NKAIN2: variants seen among roughly 807,000 people sequenced by gnomAD.
The protein encoded by NKAIN2 is sodium/potassium transporting ATPase interacting 2.
NKAIN2 carries 14 observed loss-of-function variants against 32.6 expected under a neutral mutation model. That is an observed-to-expected ratio of 0.43 (90% CI 0.28 to 0.67). The LOEUF is 0.67. Among genes scored for constraint, NKAIN2 ranks in the 30% least tolerant of loss-of-function variants. NKAIN2 has a pLI of 0.17. For missense variants in NKAIN2, 198 were observed against 258.3 expected (o/e 0.77, Z 1.60); for synonymous variants, 80 against 87.2 (o/e 0.92, Z 0.46).
chr6:124,566,773 G>T (rs1369925629), intron 3 of NKAIN2, among the ~76,000 whole-genome samples: 7 of 151,874 alleles, frequency 4.6e-5, no homozygotes, highest in Non-Finnish European at 8.8e-5. Context: ...TGACATAATT[G>T]AGTACTAAAA....
At chr6:123,868,268 T>C (rs1311233858) in intron 1 of NKAIN2, among the ~76,000 whole-genome samples, 1 of 152,162 alleles carries the variant, frequency 6.6e-6, no homozygotes, top group Non-Finnish European at 1.5e-5. Flanking sequence ...CCCATCACCA[T>C]TGCTCAGGTG....
At chr6:124,261,106 T>C (rs1439722670) in intron 1 of NKAIN2, among the ~76,000 whole-genome samples, 2 of 152,184 alleles carry the variant, frequency 1.3e-5, no homozygotes, top group Non-Finnish European at 2.9e-5. Flanking sequence ...CATAAAAGAT[T>C]GGCTACAGTG....
chr6:123,945,240 C>CT (rs1777010140), intron 1 of NKAIN2, among the ~76,000 whole-genome samples: 1 of 152,028 alleles, frequency 6.6e-6, no homozygotes, highest in Non-Finnish European at 1.5e-5. Flanking sequence ...ACCAAAGCCT[C>CT]TAACTGGTCA....
intron 2 of NKAIN2, among the ~76,000 whole-genome samples, chr6:124,326,918 T>C (rs1217210892): frequency 6.6e-6 from 1 of 152,170 alleles, no homozygotes; most frequent in Non-Finnish European, 1.5e-5. Flanking sequence ...CACTTAGTTT[T>C]TGTACCCATA....
At chr6:124,695,759 A>G (rs1774467347) in intron 4 of NKAIN2, among the ~76,000 whole-genome samples, 1 of 152,200 alleles carries the variant, frequency 6.6e-6, no homozygotes, top group Non-Finnish European at 1.5e-5. Flanking sequence ...CAAAGAACAC[A>G]TAGGTTCATA....
chr6:124,351,499 C>CA (rs1248128165), intron 2 of NKAIN2, among the ~76,000 whole-genome samples: 2 of 49,928 alleles, frequency 4.0e-5, no homozygotes, highest in East Asian at 1.2e-3. Flanking sequence ...GATCCTGTCT[C>CA]AAAAAAACCA....
At chr6:124,209,787 C>A (rs573141356) in intron 1 of NKAIN2, among the ~76,000 whole-genome samples, 13 of 151,740 alleles carry the variant, frequency 8.6e-5, no homozygotes, top group African/African-American at 3.1e-4. Context: ...GATCTTGTAT[C>A]TATTTTAATC....
intron 1 of NKAIN2, among the ~76,000 whole-genome samples, chr6:124,009,856 A>G (rs1780242057): frequency 6.6e-6 from 1 of 152,128 alleles, no homozygotes; most frequent in African/African-American, 2.4e-5. Context: ...AGATTTATGG[A>G]CAAAGACTCC....
At chr6:123,919,097 T>G (rs1775627172) in intron 1 of NKAIN2, among the ~76,000 whole-genome samples, 1 of 152,212 alleles carries the variant, frequency 6.6e-6, no homozygotes, top group African/African-American at 2.4e-5. Context: ...ACAAAAGAAT[T>G]ATGTGCAAAT....
intron 2 of NKAIN2, among the ~76,000 whole-genome samples, chr6:124,346,091 A>T (rs1798408118): frequency 6.6e-6 from 1 of 151,604 alleles, no homozygotes; most frequent in African/African-American, 2.4e-5. Flanking sequence ...TTCGTTATGT[A>T]CCCAGTAGTC....
chr6:124,199,446 C>T (rs1367193687), intron 1 of NKAIN2, among the ~76,000 whole-genome samples: 1 of 152,168 alleles, frequency 6.6e-6, no homozygotes, highest in African/African-American at 2.4e-5. Context: ...GGCTCACATT[C>T]ATTCTCACTC....
In NKAIN2 at chr6:124,079,188, C is replaced by G. The variant is rs548797565; in HGVS notation, c.55-203817C>G. 2.0e-5 allele frequency among the ~76,000 whole-genome samples: 3 copies of G among 152,062 alleles called. No individual in the cohort carries two copies. In the South Asian group the frequency reaches 6.2e-4, roughly 32 times the overall value. On this transcript the variant is annotated intron_variant, in intron 1 of 6. Transcript: ENST00000368417. Reference sequence around the variant, plus strand: ...AATACAAAAATTAGGCGTGATGGCACATGCCTGTAATCCCAGCTACTCGGG... The same window carrying G: ...AATACAAAAATTAGGCGTGATGGCAGATGCCTGTAATCCCAGCTACTCGGG...
chr6:124,569,172 A>G (rs1249960458), intron 3 of NKAIN2, among the ~76,000 whole-genome samples: 1 of 152,160 alleles, frequency 6.6e-6, no homozygotes, highest in African/African-American at 2.4e-5. Context: ...CACACTAACA[A>G]GTCTTAAATT....
intron 4 of NKAIN2, among the ~76,000 whole-genome samples, chr6:124,711,160 C>T (rs1775430050): frequency 7.2e-6 from 1 of 138,824 alleles, no homozygotes; most frequent in Admixed American, 7.2e-5. Flanking sequence ...ATATTGGCCC[C>T]CACTCTCTTC....
intron 5 of NKAIN2, among the ~76,000 whole-genome samples, chr6:124,816,556 T>C (rs1213144591): frequency 6.6e-6 from 1 of 152,154 alleles, no homozygotes; most frequent in Non-Finnish European, 1.5e-5. Context: ...TATCTGTACT[T>C]TCTGCTCCAT....
At chr6:124,808,309 G>GGGAT (rs1164815630) in intron 5 of NKAIN2, among the ~76,000 whole-genome samples, 1 of 151,804 alleles carries the variant, frequency 6.6e-6, no homozygotes, top group African/African-American at 2.4e-5. Context: ...CTTCATCCCT[G>GGGAT]GGATGCAAGG....
chr6:124,809,708 G>T (rs1396804038), intron 5 of NKAIN2, among the ~76,000 whole-genome samples: 2 of 151,604 alleles, frequency 1.3e-5, no homozygotes, highest in Non-Finnish European at 2.9e-5. Flanking sequence ...CCCACAAAAT[G>T]GGAGAAAATT....
intron 1 of NKAIN2, among the ~76,000 whole-genome samples, chr6:124,130,291 C>A (rs1417909197): frequency 6.6e-6 from 1 of 152,162 alleles, no homozygotes; most frequent in Non-Finnish European, 1.5e-5. Flanking sequence ...TTTTGAACTG[C>A]AACTTTGATA....
At chr6:124,407,038 A>G (rs1309674393) in intron 3 of NKAIN2, among the ~76,000 whole-genome samples, 1 of 152,072 alleles carries the variant, frequency 6.6e-6, no homozygotes, top group African/African-American at 2.4e-5. Context: ...TCATTTCATG[A>G]ACAATGTTTT....
Sources: gnomAD v4.1 joint callset for allele counts (sites outside exome capture counted in the v4.1 genomes callset) on GRCh38, gnomAD v4.1.1 for gene constraint, MANE v1.5 for transcripts, NCBI Gene and HGNC (gene_info 2026-07-23, HGNC 2026-07-21) for gene names.